The following DCLK1 variants were observed in gnomAD, a reference collection of about 807,000 sequenced individuals.
The protein encoded by DCLK1 is doublecortin like kinase 1, also known as serine/threonine-protein kinase DCLK1.
In DCLK1, 16 loss-of-function variants were observed where a neutral mutation model predicts 86.2. The ratio of observed to expected loss-of-function variants is 0.19; its 90% CI spans 0.13 to 0.28. The LOEUF is 0.28. DCLK1 is among the 10% of genes least tolerant of loss of function. DCLK1 has a pLI of 1.00. For synonymous variants in DCLK1, 369 were observed against 370.5 expected (o/e 1.00, Z 0.05); for missense variants, 590 against 940.2 (o/e 0.63, Z 4.87).
intron 2 of DCLK1, among the ~76,000 whole-genome samples, chr13:36,115,042 T>G (rs187841596): frequency 6.6e-6 from 1 of 152,296 alleles, no homozygotes. Flanking sequence ...GGCTCACATA[T>G]GTAGTCCCAG....
At chr13:35,816,908 A>T (rs1318209384) in intron 11 of DCLK1, among the ~76,000 whole-genome samples, 2 of 152,206 alleles carry the variant, frequency 1.3e-5, no homozygotes, top group Admixed American at 1.3e-4. Context: ...CTAGAAGTAG[A>T]ATTACTTGGT....
intron 16 of DCLK1, among the ~76,000 whole-genome samples, chr13:35,786,304 C>G (rs942547953): frequency 6.6e-6 from 1 of 152,146 alleles, no homozygotes; most frequent in African/African-American, 2.4e-5. Context: ...CACAAATATG[C>G]ACAACTATAA....
intron 3 of DCLK1, among the ~76,000 whole-genome samples, chr13:36,017,153 A>C (rs936754148): frequency 3.9e-5 from 6 of 152,348 alleles, no homozygotes; most frequent in African/African-American, 1.4e-4. Flanking sequence ...AGAAATAATA[A>C]AAAAGGAAGG....
intron 3 of DCLK1, among the ~76,000 whole-genome samples, chr13:36,025,933 G>A (rs1045532083): frequency 9.2e-5 from 14 of 152,072 alleles, no homozygotes; most frequent in Non-Finnish European, 1.8e-4. Context: ...CTAAGTCAGA[G>A]ATAATTAGGA....
chr13:35,855,688 C>G, intron 5 of DCLK1: 1 of 1,392,932 alleles, frequency 7.2e-7, no homozygotes, highest in Non-Finnish European at 9.4e-7. Context: ...TCAGCAGATG[C>G]CTTTTCTGCG....
intron 4 of DCLK1, among the ~76,000 whole-genome samples, chr13:35,933,186 G>C (rs1469724571): frequency 6.6e-6 from 1 of 152,228 alleles, no homozygotes; most frequent in East Asian, 1.9e-4. Flanking sequence ...CAAGAGGTGG[G>C]TTCCCATGGT....
At chr13:35,936,853 C>A (rs779807941) in intron 4 of DCLK1, among the ~76,000 whole-genome samples, 35 of 151,972 alleles carry the variant, frequency 2.3e-4, no homozygotes, top group South Asian at 8.3e-4. Flanking sequence ...CTGAGAGAGA[C>A]TCAGCCAAAG....
chr13:36,035,064 T>C (rs193178400), intron 3 of DCLK1, among the ~76,000 whole-genome samples: 1 of 152,088 alleles, frequency 6.6e-6, no homozygotes, highest in East Asian at 1.9e-4. Context: ...ATCAAGGGGG[T>C]AGCACAAGAC....
chr13:35,890,171 C>T (rs1030635057), intron 4 of DCLK1, among the ~76,000 whole-genome samples: 13 of 152,084 alleles, frequency 8.5e-5, no homozygotes, highest in Non-Finnish European at 1.6e-4. Context: ...AAAGTAAAAA[C>T]TCTCTCTCCC....
At chr13:35,846,283 C>T (rs373673032) in intron 6 of DCLK1, 3 of 985,082 alleles carry the variant, frequency 3.0e-6, no homozygotes, top group Non-Finnish European at 3.6e-6. Context: ...GTAAAGAGTT[C>T]TTAGAAAAAA....
At chr13:35,816,907 G>T (rs2087281218) in intron 11 of DCLK1, among the ~76,000 whole-genome samples, 1 of 152,130 alleles carries the variant, frequency 6.6e-6, no homozygotes, top group Non-Finnish European at 1.5e-5. Context: ...TCTAGAAGTA[G>T]AATTACTTGG....
In DCLK1 at chr13:35,853,023, G is replaced by C. The variant is rs530419959; in HGVS notation, c.1035+1476C>G. On this transcript the variant is annotated intron_variant, in intron 6 of 16. Transcript: ENST00000360631. ...CCCTTCCTGCTCTGTATCCAATGGC[G>C]GTCCCTATAGATTGACGCCTCACTG... 1.1e-4 allele frequency among the ~76,000 whole-genome samples: 17 copies of C among 152,248 alleles called. No homozygotes were observed. In the South Asian group the frequency reaches 1.2e-3, roughly 11 times the overall value.
intron 4 of DCLK1, among the ~76,000 whole-genome samples, chr13:35,898,941 A>G (rs928737515): frequency 1.3e-5 from 2 of 151,968 alleles, no homozygotes; most frequent in Non-Finnish European, 2.9e-5. Flanking sequence ...GAGTCTCACT[A>G]TGTTGCCCAG....
intron 3 of DCLK1, among the ~76,000 whole-genome samples, chr13:36,043,965 C>T (rs1593842509): frequency 6.6e-6 from 1 of 152,150 alleles, no homozygotes; most frequent in Non-Finnish European, 1.5e-5. Context: ...GGATATCTGT[C>T]CCCTCCAAAT....
At chr13:35,915,296 T>C (rs900323101) in intron 4 of DCLK1, among the ~76,000 whole-genome samples, 4 of 152,220 alleles carry the variant, frequency 2.6e-5, no homozygotes, top group Non-Finnish European at 5.9e-5. Context: ...GTAAGTGTTG[T>C]AACACGGAGG....
At chr13:35,986,640 G>C (rs903630302) in intron 3 of DCLK1, among the ~76,000 whole-genome samples, 1 of 152,162 alleles carries the variant, frequency 6.6e-6, no homozygotes, top group African/African-American at 2.4e-5. Flanking sequence ...TTAGCTCCTT[G>C]AGAGGGTTTC....
At chr13:36,097,739 G>A (rs558636887) in intron 3 of DCLK1, among the ~76,000 whole-genome samples, 115 of 152,074 alleles carry the variant, frequency 7.6e-4, no homozygotes, top group African/African-American at 2.7e-3. Flanking sequence ...TAATCTCAAT[G>A]TGTTTAAAGA....
At chr13:36,073,447 A>G (rs772865867) in intron 3 of DCLK1, among the ~76,000 whole-genome samples, 1 of 152,202 alleles carries the variant, frequency 6.6e-6, no homozygotes, top group Non-Finnish European at 1.5e-5. Flanking sequence ...AGGTTCAGAG[A>G]GGGTAAGACA....
rs566737864 is a variant in DCLK1 at position 35,855,901 on chromosome 13, C to G, written c.941-1308G>C. The stretch of plus-strand genomic sequence containing the variant: ...GAGATCCAGTGACTCATCTGAAAAT[C>G]GAAATGACAATAACTCTTCTAAAGC... On this transcript the variant is annotated intron_variant, in intron 5 of 16. Coordinates refer to ENST00000360631, the MANE Select transcript of DCLK1 (RefSeq NM_001330071.2). 4.6e-5 allele frequency: 48 copies of G among 1,050,104 alleles called. No individual in the cohort carries two copies. In the African/African-American group the frequency reaches 7.6e-4, roughly 17 times the overall value. The allele number at this position is 1,050,104 out of a possible 1,614,324, so 65.0% of individuals were successfully genotyped here. A position where few individuals can be genotyped will look rare whatever the true frequency, so the allele number is the denominator to read the frequency against.
Sources: gnomAD v4.1 joint callset for allele counts (sites outside exome capture counted in the v4.1 genomes callset) on GRCh38, gnomAD v4.1.1 for gene constraint, MANE v1.5 for transcripts, NCBI Gene and HGNC (gene_info 2026-07-23, HGNC 2026-07-21) for gene names.